SGK3: variants seen among roughly 807,000 people sequenced by gnomAD.
SGK3 encodes the protein serine/threonine-protein kinase Sgk3.
A neutral mutation model predicts 68.5 loss-of-function variants in SGK3; 47 were observed. The ratio of observed to expected loss-of-function variants is 0.69; its 90% CI spans 0.54 to 0.87. SGK3 has a LOEUF of 0.87. Ranked by LOEUF, SGK3 falls within the 40% of genes least tolerant of loss-of-function variation. SGK3 has a pLI of 0.00. For synonymous variants in SGK3, 181 were observed against 189.1 expected (o/e 0.96, Z 0.35); for missense variants, 479 against 575.5 (o/e 0.83, Z 1.72).
intron 5 of SGK3, among the ~76,000 whole-genome samples, chr8:66,816,176 G>C (rs943651585): frequency 8.0e-5 from 12 of 150,826 alleles, no homozygotes; most frequent in African/African-American, 2.9e-4. Context: ...ATTTTTTTTT[G>C]TATTTTTAGT....
intron 3 of SGK3, among the ~76,000 whole-genome samples, chr8:66,800,029 C>T (rs1187708300): frequency 6.6e-6 from 1 of 152,118 alleles, no homozygotes; most frequent in Non-Finnish European, 1.5e-5. Context: ...TCTGGAAAAA[C>T]TCTTGTTATA....
At chr8:66,765,893 C>A (rs558552963) in intron 1 of SGK3, among the ~76,000 whole-genome samples, 10 of 151,918 alleles carry the variant, frequency 6.6e-5, no homozygotes, top group Admixed American at 2.6e-4. Context: ...GGCGCCATGG[C>A]GGGCACCTGT....
At chr8:66,848,559 C>T (rs1441400345) in intron 15 of SGK3, among the ~76,000 whole-genome samples, 1 of 152,226 alleles carries the variant, frequency 6.6e-6, no homozygotes, top group Non-Finnish European at 1.5e-5. Context: ...CCTATATACA[C>T]TTGCAGGATC....
chr8:66,729,735 T>TTA (rs149985419), intron 1 of SGK3, among the ~76,000 whole-genome samples: 3 of 150,908 alleles, frequency 2.0e-5, no homozygotes, highest in African/African-American at 7.4e-5. Context: ...ATTTATTTAT[T>TTA]TTTATTTATT....
chr8:66,857,414 G>T (rs1403412758), intron 16 of SGK3, among the ~76,000 whole-genome samples: 1 of 152,102 alleles, frequency 6.6e-6, no homozygotes, highest in Non-Finnish European at 1.5e-5. Context: ...TCCCTGTAGA[G>T]CAGAAATAAC....
At position 66,817,121 on chromosome 8, in the gene SGK3, G is replaced by A. The variant is rs1585761011; in HGVS notation, c.329+3193G>A. On this transcript the variant is annotated intron_variant, in intron 5 of 16. Transcript: ENST00000521198. ...AGGCATGAGCCACCGTGCCCAGCAG[G>A]AAATGTGCTTTTAAAATAGCTTTTC... 2.6e-5 allele frequency among the ~76,000 whole-genome samples: 4 copies of A among 152,128 alleles called. 1 individual carries two copies. The highest frequency in any genetic ancestry group is 2.6e-4 in the Admixed American group (4 of 15,304).
At chr8:66,822,248 A>C in intron 5 of SGK3, 124 bp from the exon 6 acceptor site, 1 of 789,346 alleles carries the variant, frequency 1.3e-6, no homozygotes, top group Non-Finnish European at 1.8e-6. Context: ...ATATTAATGG[A>C]TTCTGTTTTA....
chr8:66,797,307 C>T (rs535978545), intron 2 of SGK3, among the ~76,000 whole-genome samples: 8 of 152,284 alleles, frequency 5.3e-5, no homozygotes, highest in African/African-American at 1.7e-4. Context: ...ATCCCAGTGC[C>T]GTGTGAGATA....
At chr8:66,813,435 G>A (rs987657424) in intron 4 of SGK3, among the ~76,000 whole-genome samples, 3 of 151,946 alleles carry the variant, frequency 2.0e-5, no homozygotes, top group Non-Finnish European at 4.4e-5. Flanking sequence ...AGGATTTCCA[G>A]AAATCCTTAT....
chr8:66,843,393 T>G, intron 13 of SGK3, 59 bp from the exon 14 acceptor site: 1 of 1,518,334 alleles, frequency 6.6e-7, no homozygotes, highest in Non-Finnish European at 9.0e-7. Context: ...CTCAATTATT[T>G]ATAAATTTTG....
At chr8:66,755,880 C>A (rs1805959564) in intron 1 of SGK3, among the ~76,000 whole-genome samples, 1 of 152,110 alleles carries the variant, frequency 6.6e-6, no homozygotes, top group African/African-American at 2.4e-5. Flanking sequence ...AGTCAGGGGT[C>A]AAGGAAAGCT....
intron 1 of SGK3, among the ~76,000 whole-genome samples, chr8:66,779,603 A>T (rs867183599): frequency 4.1e-4 from 50 of 122,288 alleles, no homozygotes; most frequent in East Asian, 3.4e-3. Context: ...TATATATATA[A>T]AACACATTTT....
intron 7 of SGK3, among the ~76,000 whole-genome samples, chr8:66,830,836 A>G (rs1809274447): frequency 6.6e-6 from 1 of 152,220 alleles, no homozygotes; most frequent in African/African-American, 2.4e-5. Context: ...AAGAATTACC[A>G]CGTTATATAG....
At chr8:66,828,754 T>G in intron 7 of SGK3, 51 bp downstream of exon 7, 10 of 1,597,328 alleles carry the variant, frequency 6.3e-6, no homozygotes, top group Non-Finnish European at 8.6e-6. Context: ...TAGGAAGATC[T>G]TTTTTGAGCG....
intron 16 of SGK3, among the ~76,000 whole-genome samples, chr8:66,851,507 C>T (rs1044229264): frequency 3.3e-5 from 5 of 149,994 alleles, no homozygotes; most frequent in African/African-American, 4.9e-5. Context: ...GGTGATAGAG[C>T]GAGACCCTGT....
At chr8:66,713,559 A>C (rs918514766) in intron 1 of SGK3, among the ~76,000 whole-genome samples, 1 of 152,174 alleles carries the variant, frequency 6.6e-6, no homozygotes, top group African/African-American at 2.4e-5. Flanking sequence ...GAGCACTGTA[A>C]TTTCTAAATC....
chr8:66,785,912 T>A (rs1230698543), intron 1 of SGK3, among the ~76,000 whole-genome samples: 1 of 152,248 alleles, frequency 6.6e-6, no homozygotes. Flanking sequence ...TCTGACTGTC[T>A]AGCAGAGTGA....
chr8:66,793,591 CT>C (rs796840166), intron 1 of SGK3, 24 bp from the exon 2 acceptor site: 20,186 of 545,622 alleles, frequency 0.037, 2 homozygotes, highest in East Asian at 0.054. Context: ...TTGCTAATCA[CT>C]TTTTTTTTTT....
chr8:66,782,780 T>G, intron 1 of SGK3, among the ~76,000 whole-genome samples: 1 of 152,212 alleles, frequency 6.6e-6, no homozygotes, highest in East Asian at 1.9e-4. Context: ...GCATTTAAGG[T>G]TTCTCCATGT....
Sources: gnomAD v4.1 joint callset for allele counts (sites outside exome capture counted in the v4.1 genomes callset) on GRCh38, gnomAD v4.1.1 for gene constraint, MANE v1.5 for transcripts, NCBI Gene and HGNC (gene_info 2026-07-23, HGNC 2026-07-21) for gene names.